The following NTM variants were observed in gnomAD, a reference collection of about 807,000 sequenced individuals.
The protein encoded by NTM is IgLON family member 2.
Under a neutral mutation model 42.1 loss-of-function variants are expected in NTM, and 13 were observed. The ratio of observed to expected loss-of-function variants is 0.31; its 90% CI spans 0.20 to 0.49. The LOEUF (loss-of-function observed/expected upper bound fraction) is 0.49, where lower values mean the gene tolerates loss of function less well. Ranked by LOEUF, NTM falls within the 20% of genes least tolerant of loss-of-function variation. The pLI, the probability that NTM is intolerant of heterozygous loss-of-function variation, is 0.99. For missense variants in NTM, 373 were observed against 452.8 expected (o/e 0.82, Z 1.60); for synonymous variants, 187 against 179.2 (o/e 1.04, Z -0.35).
intron 2 of NTM, among the ~76,000 whole-genome samples, chr11:132,099,060 A>T (rs1196436480): frequency 6.6e-6 from 1 of 152,262 alleles, no homozygotes; most frequent in South Asian, 2.1e-4. Flanking sequence ...GCCGCTGCTT[A>T]TCTCCTTGTA....
chr11:132,321,311 C>T (rs1348061310), intron 7 of NTM, among the ~76,000 whole-genome samples: 1 of 152,030 alleles, frequency 6.6e-6, no homozygotes, highest in East Asian at 1.9e-4. Flanking sequence ...ACTAGAATAA[C>T]CAATACAGAG....
intron 2 of NTM, among the ~76,000 whole-genome samples, chr11:132,090,828 T>A (rs2060287720): frequency 6.6e-6 from 1 of 152,152 alleles, no homozygotes; most frequent in Non-Finnish European, 1.5e-5. Context: ...AAAATTCACA[T>A]CTTAAGAGTT....
intron 2 of NTM, among the ~76,000 whole-genome samples, chr11:131,998,339 C>T (rs1358152090): frequency 1.3e-5 from 2 of 152,114 alleles, no homozygotes; most frequent in Non-Finnish European, 2.9e-5. Context: ...ACAAATTGTT[C>T]CAGTCCCAAT....
intron 1 of NTM, 175 bp from the exon 2 acceptor site, chr11:131,911,388 CG>C: frequency 6.3e-7 from 1 of 1,582,162 alleles, no homozygotes; most frequent in East Asian, 2.3e-5. Context: ...GCTCAGTCCC[CG>C]CGCTCGCTCC....
At chr11:131,830,501 T>C (rs1299154221) in intron 1 of NTM, among the ~76,000 whole-genome samples, 1 of 152,188 alleles carries the variant, frequency 6.6e-6, no homozygotes, top group African/African-American at 2.4e-5. Flanking sequence ...ATTTCTGCAT[T>C]CTCTATTCTG....
At chr11:131,999,093 GT>G (rs904945867) in intron 2 of NTM, among the ~76,000 whole-genome samples, 2 of 152,098 alleles carry the variant, frequency 1.3e-5, no homozygotes, top group Non-Finnish European at 2.9e-5. Flanking sequence ...TGATGTGGAA[GT>G]TTAACCATTA....
At chr11:131,603,502 C>T (rs945858187) in intron 1 of NTM, among the ~76,000 whole-genome samples, 1 of 152,070 alleles carries the variant, frequency 6.6e-6, no homozygotes, top group Admixed American at 6.6e-5. Flanking sequence ...CTACTTCCTC[C>T]TCATTTTAAA....
chr11:132,093,493 T>G (rs771374055), intron 2 of NTM, among the ~76,000 whole-genome samples: 30 of 152,194 alleles, frequency 2.0e-4, no homozygotes, highest in Non-Finnish European at 2.9e-5. Flanking sequence ...CAAAACACAC[T>G]TTGCCTGGTA....
chr11:131,695,127 G>A (rs2075288213), intron 1 of NTM, among the ~76,000 whole-genome samples: 1 of 152,142 alleles, frequency 6.6e-6, no homozygotes, highest in Non-Finnish European at 1.5e-5. Context: ...AAATGCTCTG[G>A]GCCACGGACA....
In NTM at chr11:132,163,578, G is replaced by T. The variant is rs74613592; in HGVS notation, c.400+17064G>T. On this transcript the variant is annotated intron_variant, in intron 3 of 8. Coordinates refer to ENST00000683400, the MANE Select transcript of NTM (RefSeq NM_001352005.2). ...GAGACCAACTAACCCAAGGAAGGTTGCACATTGGTAAGTGGCAGAGCCAGA... is the reference window on the plus strand; with the variant it reads ...GAGACCAACTAACCCAAGGAAGGTTTCACATTGGTAAGTGGCAGAGCCAGA... Among the ~76,000 whole-genome samples, 883 of 152,328 alleles carry T rather than the reference G, an allele frequency of 5.8e-3. 2 individuals are homozygous for T. The highest frequency in any genetic ancestry group is 9.8e-3 in the Non-Finnish European group (667 of 68,026).
chr11:132,107,021 A>C (rs1181609278), intron 2 of NTM, among the ~76,000 whole-genome samples: 1 of 152,208 alleles, frequency 6.6e-6, no homozygotes, highest in Non-Finnish European at 1.5e-5. Flanking sequence ...TGTTTAAAAA[A>C]AAATCCATAA....
intron 7 of NTM, chr11:132,315,004 G>A (rs192447973): frequency 2.6e-6 from 3 of 1,147,298 alleles, no homozygotes; most frequent in East Asian, 4.1e-5. Flanking sequence ...GAAAAAGAAT[G>A]TTCATGTTTC....
chr11:131,715,360 G>A (rs999794674), intron 1 of NTM, among the ~76,000 whole-genome samples: 17 of 152,186 alleles, frequency 1.1e-4, no homozygotes, highest in African/African-American at 3.9e-4. Context: ...GGTGAAACCT[G>A]GATCAGAGGT....
chr11:131,999,112 G>A (rs1048025369), intron 2 of NTM, among the ~76,000 whole-genome samples: 8 of 152,156 alleles, frequency 5.3e-5, no homozygotes, highest in African/African-American at 9.7e-5. Flanking sequence ...TTACCATCGT[G>A]TGTGCTCTTC....
At chr11:131,674,138 G>T (rs2070929604) in intron 1 of NTM, among the ~76,000 whole-genome samples, 1 of 152,232 alleles carries the variant, frequency 6.6e-6, no homozygotes, top group Non-Finnish European at 1.5e-5. Flanking sequence ...CGGGGTGCGG[G>T]CGCCCTCGCG....
At chr11:131,825,688 A>C (rs2042044998) in intron 1 of NTM, among the ~76,000 whole-genome samples, 3 of 152,182 alleles carry the variant, frequency 2.0e-5, no homozygotes, top group Non-Finnish European at 4.4e-5. Context: ...CTGGAGAAAA[A>C]TTGATAGATT....
chr11:131,793,794 C>G (rs181397992), intron 1 of NTM, among the ~76,000 whole-genome samples: 26 of 152,214 alleles, frequency 1.7e-4, no homozygotes, highest in African/African-American at 6.3e-4. Context: ...AATGTTGAGG[C>G]CTGTGCATGG....
chr11:131,871,463 A>G (rs2047774298), intron 1 of NTM, among the ~76,000 whole-genome samples: 1 of 152,240 alleles, frequency 6.6e-6, no homozygotes, highest in Non-Finnish European at 1.5e-5. Context: ...GAGGTATCAC[A>G]GGCAGGCAGA....
At chr11:132,148,107 C>T (rs920398825) in intron 3 of NTM, among the ~76,000 whole-genome samples, 1 of 152,160 alleles carries the variant, frequency 6.6e-6, no homozygotes, top group Non-Finnish European at 1.5e-5. Flanking sequence ...TTTGCTTACT[C>T]TTTCTTCCCC....
Sources: gnomAD v4.1 joint callset for allele counts (sites outside exome capture counted in the v4.1 genomes callset) on GRCh38, gnomAD v4.1.1 for gene constraint, MANE v1.5 for transcripts, NCBI Gene and HGNC (gene_info 2026-07-23, HGNC 2026-07-21) for gene names.